The following RARS2 variants were observed in gnomAD, a reference collection of about 807,000 sequenced individuals.
The protein encoded by RARS2 is arginyl-tRNA synthetase 2, mitochondrial, also known as probable arginine--tRNA ligase, mitochondrial.
A neutral mutation model predicts 88.5 loss-of-function variants in RARS2; 67 were observed. The ratio of observed to expected loss-of-function variants is 0.76; its 90% CI spans 0.62 to 0.93. The LOEUF (loss-of-function observed/expected upper bound fraction) is 0.93, where lower values mean the gene tolerates loss of function less well. RARS2 is among the 40% of genes least tolerant of loss of function. RARS2 has a pLI of 0.00. For synonymous variants in RARS2, 239 were observed against 230.3 expected (o/e 1.04, Z -0.34); for missense variants, 664 against 684.2 (o/e 0.97, Z 0.33).
In RARS2 at chr6:87,555,259, A is replaced by G. The variant is rs1192037309; in HGVS notation, c.395+149T>C. ...TTTTTTATTCACAGTTCAATGATTG[A>G]TTCACTGTGATTTCAAGAAATAACA... On this transcript the variant is annotated intron_variant, in intron 5 of 19. Coordinates refer to ENST00000369536, the MANE Select transcript of RARS2 (RefSeq NM_020320.5). The G allele has an allele frequency of 4.9e-6, 3 of 611,388 alleles. No homozygotes were observed. In the African/African-American group the frequency reaches 5.5e-5, roughly 11 times the overall value. The allele number at this position is 611,388 out of a possible 1,614,324, so 37.9% of individuals were successfully genotyped here.
intron 10 of RARS2, 30 bp from the exon 11 acceptor site, chr6:87,524,682 A>T: frequency 6.8e-7 from 1 of 1,471,194 alleles, no homozygotes; most frequent in Non-Finnish European, 9.5e-7. Flanking sequence ...ACTCTGAAGC[A>T]ACATAATAAA....
At chr6:87,530,447 A>G (rs1350809363) in intron 9 of RARS2, among the ~76,000 whole-genome samples, 1 of 152,216 alleles carries the variant, frequency 6.6e-6, no homozygotes. Context: ...GCTGTTGTGT[A>G]TTATCCCCTA....
At chr6:87,538,029 C>G (rs1350010954) in intron 8 of RARS2, among the ~76,000 whole-genome samples, 1 of 152,126 alleles carries the variant, frequency 6.6e-6, no homozygotes, top group Non-Finnish European at 1.5e-5. Context: ...TTGCTTAAAG[C>G]TCAAAAAAAT....
At chr6:87,576,098 C>CCAACACAAAT (rs1381119834) in intron 1 of RARS2, among the ~76,000 whole-genome samples, 135 of 122,042 alleles carry the variant, frequency 1.1e-3, no homozygotes, top group South Asian at 1.4e-3. Context: ...ATGCGCCCAG[C>CCAACACAAAT]TGGATAAGTC....
Position 87,576,438 on chromosome 6 carries a change from G to A in RARS2, c.37-6848C>T, listed in dbSNP as rs963800221. ...ACTACAGGCGCCCGCTACCACGCCC[G>A]GCTAATTTTTTGTATTTTTAGTAGA... On this transcript the variant is annotated intron_variant, in intron 1 of 19. Transcript: ENST00000369536. Among the ~76,000 whole-genome samples the A allele has an allele frequency of 9.9e-5, 11 of 110,748 alleles. 3 individuals are homozygous for A. Among genetic ancestry groups the A allele is most frequent in the Admixed American group, 8.5e-4 (8 of 9,430 alleles). 72.7% of individuals were successfully genotyped at this position (110,748 alleles called of 152,430 possible). A position where few individuals can be genotyped will look rare whatever the true frequency, so the allele number is the denominator to read the frequency against.
In RARS2 at chr6:87,581,911, GTCCCTGCAAA is replaced by G. The variant is rs554914012; in HGVS notation, c.36+8001_36+8010del. Among the ~76,000 whole-genome samples, 253 of 152,248 alleles carry G rather than the reference GTCCCTGCAAA, an allele frequency of 1.7e-3. 1 individual carries two copies. Among genetic ancestry groups the G allele is most frequent in the Middle Eastern group, 6.8e-3 (2 of 294 alleles). On this transcript the variant is annotated intron_variant, in intron 1 of 19. Coordinates refer to ENST00000369536, the MANE Select transcript of RARS2 (RefSeq NM_020320.5). ...AATAATGGTTTCTGGCTCCATTCAT[GTCCCTGCAAA>G]GGACATGATCTCGTTCCTTTTTACG...
At chr6:87,553,563 A>G (rs1784965289) in intron 5 of RARS2, among the ~76,000 whole-genome samples, 1 of 152,218 alleles carries the variant, frequency 6.6e-6, no homozygotes, top group South Asian at 2.1e-4. Flanking sequence ...GATGTAAACA[A>G]ATGTGCATGG....
chr6:87,540,252 A>T (rs1469320427), intron 8 of RARS2, among the ~76,000 whole-genome samples: 10 of 151,822 alleles, frequency 6.6e-5, no homozygotes, highest in Non-Finnish European at 1.5e-4. Flanking sequence ...GTTCAAGACC[A>T]GCCTGGACAA....
chr6:87,567,116 G>C (rs1051778325), intron 2 of RARS2, among the ~76,000 whole-genome samples: 1 of 152,162 alleles, frequency 6.6e-6, no homozygotes. Flanking sequence ...GCTGGGCATG[G>C]TGGTGTGTGC....
In RARS2 at chr6:87,514,004, C is replaced by G. The variant is rs539439608; in HGVS notation, c.*409G>C. ...TGACAAGTCACATTTAATACAGATT[C>G]TGACACAGAATAATAGTTTAACTTT... On this transcript the variant is annotated 3_prime_UTR_variant, in exon 20 of 20. Transcript: ENST00000369536. 6.6e-6 allele frequency among the ~76,000 whole-genome samples: 1 copy of G among 152,278 alleles called. No individual in the cohort carries two copies. The highest frequency in any genetic ancestry group is 2.4e-5 in the African/African-American group (1 of 41,558).
chr6:87,585,526 C>T (rs1240352714), intron 1 of RARS2, among the ~76,000 whole-genome samples: 5 of 152,012 alleles, frequency 3.3e-5, no homozygotes, highest in South Asian at 2.1e-4. Context: ...GTCAGGAGAT[C>T]GAGACCATCC....
intron 1 of RARS2, among the ~76,000 whole-genome samples, chr6:87,586,908 ATTTATTTATTTATTTT>A (rs1437888019): frequency 6.9e-6 from 1 of 144,396 alleles, no homozygotes; most frequent in African/African-American, 2.9e-5. Flanking sequence ...TTATTTATTT[ATTTATTTATTTATTTT>A]TTGAGACAGG....
At chr6:87,518,397 C>T in intron 16 of RARS2, 133 bp from the exon 17 acceptor site, 2 of 1,531,542 alleles carry the variant, frequency 1.3e-6, no homozygotes, top group Non-Finnish European at 1.8e-6. Context: ...GTGGAGGTAA[C>T]AGTATATTTT....
At chr6:87,572,021 A>C (rs1769895407) in intron 1 of RARS2, among the ~76,000 whole-genome samples, 1 of 152,136 alleles carries the variant, frequency 6.6e-6, no homozygotes, top group South Asian at 2.1e-4. Context: ...ATAAAGGCTC[A>C]AACAGTTCAT....
rs114395514 is a variant in RARS2 at position 87,580,444 on chromosome 6, A to C, written c.36+9478T>G. 5.8e-3 allele frequency among the ~76,000 whole-genome samples: 888 copies of C among 152,130 alleles called. 6 individuals carry two copies. Among genetic ancestry groups the C allele is most frequent in the African/African-American group, 0.018 (766 of 41,536 alleles). On this transcript the variant is annotated intron_variant, in intron 1 of 19. Coordinates refer to ENST00000369536, the MANE Select transcript of RARS2 (RefSeq NM_020320.5). ...CAGTCCTTGAGAAGTAAACTAAACA[A>C]CACATTGAATGAGGAGCAAATCTGA...
chr6:87,518,834 A>G lies in RARS2; in HGVS notation c.1295T>C (p.Leu432Pro). Reference protein sequence around the residue: ...ETAERVGLAALIIQDFKGLLL... With the variant: ...ETAERVGLAAPIIQDFKGLLL... ...GGAGTCTTAACAGACCTGAATAATG[A>G]GTGCTGCGAGCCCGACCCTCTCTGC... The change falls in exon 15 of 20, where the codon CTC becomes CCC. Residue 432 changes from leucine to proline, a missense_variant. Transcript: ENST00000369536. 5 of 1,614,076 alleles carry G rather than the reference A, an allele frequency of 3.1e-6. No individual in the cohort carries two copies. The highest frequency in any genetic ancestry group is 3.4e-6 in the Non-Finnish European group (4 of 1,179,958).
rs1166310488 is a variant in RARS2 at position 87,545,601 on chromosome 6, C to G, written c.535+15G>C. The stretch of plus-strand genomic sequence containing the variant: ...TTTACAATGAAATGAAAAATAAAAT[C>G]TCAAGTGTACTTACCAAACTGCATG... On this transcript the variant is annotated intron_variant, in intron 7 of 19. Coordinates refer to ENST00000369536, the MANE Select transcript of RARS2 (RefSeq NM_020320.5). The G allele has an allele frequency of 1.2e-6, 2 of 1,612,634 alleles. No individual in the cohort carries two copies. The highest frequency in any genetic ancestry group is 3.3e-5 in the Admixed American group (2 of 59,966).
At chr6:87,540,464 A>C (rs1046491630) in intron 8 of RARS2, among the ~76,000 whole-genome samples, 3 of 151,902 alleles carry the variant, frequency 2.0e-5, no homozygotes, top group Non-Finnish European at 2.9e-5. Context: ...AAAAAAAAAA[A>C]AAAAAACTGG....
chr6:87,584,615 C>T, intron 1 of RARS2: 1 of 378,934 alleles, frequency 2.6e-6, no homozygotes. Flanking sequence ...TCCTTCCCAC[C>T]ATTATTAAGT....
Sources: allele counts gnomAD v4.1 joint callset (sites outside exome capture counted in the v4.1 genomes callset), GRCh38; gene constraint gnomAD v4.1.1; transcripts MANE v1.5; gene names NCBI Gene and HGNC (gene_info 2026-07-23, HGNC 2026-07-21).